The following DDX60 variants were observed in gnomAD, a reference collection of about 807,000 sequenced individuals.
DDX60 encodes DExD/H-box helicase 60, also known as probable ATP-dependent RNA helicase DDX60.
DDX60 carries 165 observed loss-of-function variants against 212.8 expected under a neutral mutation model. The observed-to-expected ratio is 0.78, with a 90% confidence interval of 0.68 to 0.88. The LOEUF is 0.88. DDX60 is among the 40% of genes least tolerant of loss of function. DDX60 has a pLI of 0.00. For synonymous variants in DDX60, 703 were observed against 685.3 expected (o/e 1.03, Z -0.40); for missense variants, 1,905 against 2,003.9 (o/e 0.95, Z 0.94).
At chr4:168,250,174 G>C (rs1734165022) in intron 28 of DDX60, among the ~76,000 whole-genome samples, 1 of 152,170 alleles carries the variant, frequency 6.6e-6, no homozygotes, top group Admixed American at 6.5e-5. Context: ...ATAGGAGAGA[G>C]AACATAGATA....
chr4:168,226,454 G>A (rs1400517569), intron 33 of DDX60, among the ~76,000 whole-genome samples: 1 of 151,950 alleles, frequency 6.6e-6, no homozygotes. Flanking sequence ...ACAGCATAAA[G>A]ACAACCATCT....
At position 168,278,153 on chromosome 4, in the gene DDX60, T is replaced by G. The variant is rs576961651; in HGVS notation, c.1979-1972A>C. ...GAAGCCATAAAGTGCTTTCTTTAAGTGAAAACATGAAAGTTCTTGACTTAA... is the reference window on the plus strand; with the variant it reads ...GAAGCCATAAAGTGCTTTCTTTAAGGGAAAACATGAAAGTTCTTGACTTAA... On this transcript the variant is annotated intron_variant, in intron 14 of 37. Transcript: ENST00000393743. Among the ~76,000 whole-genome samples the G allele has an allele frequency of 1.4e-4, 22 of 152,328 alleles. No individual in the cohort carries two copies. The South Asian group carries it at 4.4e-3, about 30-fold the overall frequency.
chr4:168,252,089 A>G (rs759236436), intron 27 of DDX60, among the ~76,000 whole-genome samples: 3 of 152,242 alleles, frequency 2.0e-5, no homozygotes, highest in Non-Finnish European at 4.4e-5. Flanking sequence ...GTATTGGACC[A>G]CATGCACCCA....
chr4:168,292,020 TA>T (rs1447725878), intron 7 of DDX60, 114 bp from the exon 8 acceptor site: 5 of 591,308 alleles, frequency 8.5e-6, no homozygotes, highest in Non-Finnish European at 1.3e-5. Context: ...AATCATGAAT[TA>T]TTCCTTTCTT....
chr4:168,221,706 C>T lies in DDX60; in HGVS notation c.4976+24G>A, dbSNP rs1196999511. The T allele has an allele frequency of 3.2e-6, 5 of 1,573,066 alleles. No individual in the cohort carries two copies. In the African/African-American group the frequency reaches 6.7e-5, roughly 21 times the overall value. On this transcript the variant is annotated intron_variant, in intron 36 of 37. Transcript: ENST00000393743. Reference sequence around the variant, plus strand: ...AGATGGAGATGGGAGGACAGAGAAACAGAGACAGACAGAGAGGACATACCT... The same window carrying T: ...AGATGGAGATGGGAGGACAGAGAAATAGAGACAGACAGAGAGGACATACCT...
chr4:168,307,159 C>A (rs920581900), intron 4 of DDX60, among the ~76,000 whole-genome samples: 1 of 152,102 alleles, frequency 6.6e-6, no homozygotes, highest in Non-Finnish European at 1.5e-5. Flanking sequence ...ATTGGGGCAA[C>A]CAACTAGATT....
intron 35 of DDX60, among the ~76,000 whole-genome samples, chr4:168,222,195 G>A (rs1733084524): frequency 6.6e-6 from 1 of 152,106 alleles, no homozygotes; most frequent in African/African-American, 2.4e-5. Flanking sequence ...CCTTATTGGT[G>A]AAAGGAATTT....
At chr4:168,320,462 ATT>A (rs992230442), upstream of DDX60, among the ~76,000 whole-genome samples, 6 of 149,850 alleles carry the variant, frequency 4.0e-5, no homozygotes, top group Non-Finnish European at 7.4e-5. Context: ...GCAAGGAAAC[ATT>A]TTTTTTTTCT....
upstream of DDX60, among the ~76,000 whole-genome samples, chr4:168,321,166 C>G (rs1737603230): frequency 1.3e-5 from 2 of 152,086 alleles, no homozygotes; most frequent in African/African-American, 2.4e-5. Flanking sequence ...ACTTCAACAG[C>G]CTACTCCCAT....
chr4:168,290,469 C>T (rs1736043105), intron 8 of DDX60, among the ~76,000 whole-genome samples: 1 of 151,830 alleles, frequency 6.6e-6, no homozygotes, highest in Admixed American at 6.6e-5. Context: ...GCTGGGACTA[C>T]AGGTGCCTAC....
chr4:168,293,887 C>T lies in DDX60; in HGVS notation c.782G>A (p.Arg261His), dbSNP rs371472482. The change falls in exon 7 of 38, where the codon CGT becomes CAT. Residue 261 changes from arginine to histidine, a missense_variant. Physicochemically the swap from Arg to His is conservative, Grantham distance 29. Coordinates refer to ENST00000393743, the MANE Select transcript of DDX60 (RefSeq NM_017631.6). Reference protein sequence around the residue: ...QVWPEGSDIRRVFCVTSCSLS... With the variant: ...QVWPEGSDIRHVFCVTSCSLS... ...TGAGCATGAAGTAACACAAAAGACACGCCGAATGTCAGATCCTTCTGGCCA... is the reference window on the plus strand; with the variant it reads ...TGAGCATGAAGTAACACAAAAGACATGCCGAATGTCAGATCCTTCTGGCCA... 134 of 1,613,818 alleles carry T rather than the reference C, an allele frequency of 8.3e-5. 1 individual carries two copies. Among genetic ancestry groups the T allele is most frequent in the Middle Eastern group, 3.3e-4 (2 of 6,080 alleles).
chr4:168,292,418 T>C (rs1736151553), intron 7 of DDX60, among the ~76,000 whole-genome samples: 1 of 152,194 alleles, frequency 6.6e-6, no homozygotes, highest in Non-Finnish European at 1.5e-5. Context: ...ACTGCATTTA[T>C]ACAGATGTGA....
At chr4:168,305,540 T>C (rs1736837631) in intron 5 of DDX60, among the ~76,000 whole-genome samples, 1 of 150,416 alleles carries the variant, frequency 6.6e-6, no homozygotes. Flanking sequence ...TATTATTTAA[T>C]GTACTAATTT....
intron 6 of DDX60, 61 bp from the exon 7 acceptor site, chr4:168,294,006 T>A: frequency 6.7e-7 from 1 of 1,498,400 alleles, no homozygotes; most frequent in Non-Finnish European, 9.1e-7. Context: ...TATTTGTAAG[T>A]GATCTTACTA....
At chr4:168,244,127 G>A (rs1262722573) in intron 30 of DDX60, among the ~76,000 whole-genome samples, 3 of 152,136 alleles carry the variant, frequency 2.0e-5, no homozygotes, top group African/African-American at 7.2e-5. Context: ...AAGAGCATCA[G>A]GAAAAATAAC....
Position 168,255,777 on chromosome 4 carries a change from T to C in DDX60, c.3491A>G (p.Lys1164Arg), listed in dbSNP as rs1294404010. The stretch of plus-strand genomic sequence containing the variant: ...TTTGTTAGCCATGACATGGGCTTCT[T>C]TATCAGCTTTGGGAGGCCTTTTTGT... ...QETKRPPKADKEAHVMANKLR... is the reference protein window; with the variant it reads ...QETKRPPKADREAHVMANKLR... Residue 1164 changes from lysine to arginine, a missense_variant, in exon 26 of 38, where the codon AAA becomes AGA. By Grantham distance (26) the Lys-to-Arg change is conservative. Transcript: ENST00000393743. 1.9e-5 allele frequency: 31 copies of C among 1,607,078 alleles called. No homozygotes were observed. The highest frequency in any genetic ancestry group is 2.6e-5 in the Non-Finnish European group (31 of 1,178,366).
Position 168,273,989 on chromosome 4 carries a change from T to C in DDX60, c.2399A>G (p.Glu800Gly), listed in dbSNP as rs575477907. ...GTCGTCGCTCTCCTTCAGCACTTTC[T>C]CCATACAGTAGTAGGAGGCATAGGT... ...GKTYASYYCMEKVLKESDDGV... is the reference protein window; with the variant it reads ...GKTYASYYCMGKVLKESDDGV... The change falls in exon 17 of 38, where the codon GAG becomes GGG. Residue 800 changes from glutamate (E) to glycine (G), a missense_variant. Physicochemically the swap from Glu to Gly is moderately conservative, Grantham distance 98 (BLOSUM62 -2). Coordinates refer to ENST00000393743, the MANE Select transcript of DDX60 (RefSeq NM_017631.6). The C allele has an allele frequency of 6.2e-7, 1 of 1,614,186 alleles. No homozygotes were observed. The highest frequency in any genetic ancestry group is 8.5e-7 in the Non-Finnish European group (1 of 1,180,010).
At chr4:168,283,392 CCTGAT>C in intron 13 of DDX60, 49 bp downstream of exon 13, 1 of 1,527,088 alleles carries the variant, frequency 6.5e-7, no homozygotes, top group Non-Finnish European at 9.0e-7. Context: ...CACATATCAA[CCTGAT>C]AAAAGAAAAG....
intron 6 of DDX60, among the ~76,000 whole-genome samples, chr4:168,301,606 C>T (rs1000483898): frequency 1.3e-5 from 2 of 152,106 alleles, no homozygotes; most frequent in Admixed American, 1.3e-4. Context: ...AATGGCAGCA[C>T]TAGGACAGCT....
Sources: allele counts gnomAD v4.1 joint callset (sites outside exome capture counted in the v4.1 genomes callset), GRCh38; gene constraint gnomAD v4.1.1; transcripts MANE v1.5; gene names NCBI Gene and HGNC (gene_info 2026-07-23, HGNC 2026-07-21).